Variants in PRKCA observed in about 807,000 individuals in gnomAD.
PRKCA encodes protein kinase C alpha type.
PRKCA carries 27 observed loss-of-function variants against 87.0 expected under a neutral mutation model. That is an observed-to-expected ratio of 0.31 (90% CI 0.23 to 0.43). The LOEUF (loss-of-function observed/expected upper bound fraction) is 0.43, where lower values mean the gene tolerates loss of function less well. Ranked by LOEUF, PRKCA falls within the 20% of genes least tolerant of loss-of-function variation. PRKCA has a pLI of 1.00. For synonymous variants in PRKCA, 329 were observed against 311.1 expected (o/e 1.06, Z -0.61); for missense variants, 518 against 852.3 (o/e 0.61, Z 4.88).
chr17:66,675,732 A>G (rs998478613), intron 5 of PRKCA, among the ~76,000 whole-genome samples: 2 of 152,072 alleles, frequency 1.3e-5, no homozygotes, highest in Non-Finnish European at 2.9e-5. Context: ...CTTGGGAGCT[A>G]CACTTCCCAA....
intron 2 of PRKCA, among the ~76,000 whole-genome samples, chr17:66,389,513 C>T (rs149014284): frequency 9.7e-4 from 147 of 152,250 alleles, no homozygotes; most frequent in African/African-American, 3.1e-3. Context: ...AAAAATATGC[C>T]GGAAGTATCT....
At position 66,420,239 on chromosome 17, in the gene PRKCA, G is replaced by A. The variant is rs1218792448; in HGVS notation, c.206-75962G>A. ...TTGGCCAGGATGGTCTTGATCTCCT[G>A]ACCTGGTGATCCACCTGCCTTGGCC... On this transcript the variant is annotated intron_variant, in intron 2 of 16. Coordinates refer to ENST00000413366, the MANE Select transcript of PRKCA (RefSeq NM_002737.3). Among the ~76,000 whole-genome samples the A allele has an allele frequency of 3.9e-5, 6 of 152,122 alleles. No homozygotes were observed. The East Asian group carries it at 7.8e-4, about 20-fold the overall frequency.
chr17:66,662,717 G>C (rs950108518), intron 5 of PRKCA, among the ~76,000 whole-genome samples: 2 of 151,082 alleles, frequency 1.3e-5, no homozygotes, highest in Non-Finnish European at 2.9e-5. Context: ...AAATCTCGTA[G>C]GCCTGGCATC....
At chr17:66,374,273 C>T (rs886938463) in intron 2 of PRKCA, among the ~76,000 whole-genome samples, 3 of 152,166 alleles carry the variant, frequency 2.0e-5, no homozygotes, top group Admixed American at 1.3e-4. Context: ...CATGTGTCCC[C>T]GCTTTGCCAG....
chr17:66,657,076 A>C (rs963218022), intron 5 of PRKCA, among the ~76,000 whole-genome samples: 2 of 152,218 alleles, frequency 1.3e-5, no homozygotes, highest in Admixed American at 6.5e-5. Context: ...GGAAAGATTC[A>C]GATTTCCTGA....
intron 2 of PRKCA, among the ~76,000 whole-genome samples, chr17:66,372,064 T>G (rs1472122513): frequency 1.3e-5 from 2 of 152,200 alleles, no homozygotes; most frequent in Admixed American, 1.3e-4. Flanking sequence ...TAATTACTTA[T>G]GGATGATATG....
chr17:66,486,764 A>T (rs1293731591), intron 2 of PRKCA, among the ~76,000 whole-genome samples: 1 of 152,090 alleles, frequency 6.6e-6, no homozygotes, highest in Non-Finnish European at 1.5e-5. Context: ...CTAACAGTAT[A>T]TTATACTTTT....
At chr17:66,768,150 G>A (rs1284438426) in intron 13 of PRKCA, among the ~76,000 whole-genome samples, 1 of 151,856 alleles carries the variant, frequency 6.6e-6, no homozygotes, top group Non-Finnish European at 1.5e-5. Context: ...CACCATGTTG[G>A]CCACTCCGGT....
At chr17:66,660,748 C>T (rs1971872701) in intron 5 of PRKCA, among the ~76,000 whole-genome samples, 1 of 151,586 alleles carries the variant, frequency 6.6e-6, no homozygotes, top group Non-Finnish European at 1.5e-5. Flanking sequence ...TATATAATAA[C>T]AATACAAAAA....
intron 2 of PRKCA, among the ~76,000 whole-genome samples, chr17:66,390,920 A>ACT (rs10637744): frequency 1.3e-5 from 2 of 150,664 alleles, no homozygotes; most frequent in African/African-American, 2.5e-5. Flanking sequence ...AAAGGAACCA[A>ACT]GTAGCAGAGG....
At chr17:66,790,201 T>G (rs981545297) in intron 16 of PRKCA, among the ~76,000 whole-genome samples, 1 of 152,360 alleles carries the variant, frequency 6.6e-6, no homozygotes, top group East Asian at 1.9e-4. Context: ...TTCCTCACCA[T>G]GTGTGCCTCT....
chr17:66,446,381 CCTT>C (rs555929807), intron 2 of PRKCA, among the ~76,000 whole-genome samples: 38 of 152,166 alleles, frequency 2.5e-4, no homozygotes, highest in Non-Finnish European at 4.9e-4. Context: ...CCCCCATTCA[CCTT>C]CTCCAGGATG....
chr17:66,621,191 T>C (rs8070042), intron 3 of PRKCA, among the ~76,000 whole-genome samples: 4,295 of 152,282 alleles, frequency 0.028, 212 homozygotes, highest in African/African-American at 0.098. Context: ...CAATGAAAAC[T>C]TGGGGCTTCA....
rs1975972510 is a variant in PRKCA, at chr17:66,804,211, A to G, written c.*174A>G. 2.5e-6 allele frequency: 2 copies of G among 800,770 alleles called. No individual in the cohort carries two copies. The highest frequency in any genetic ancestry group is 3.5e-5 in the African/African-American group (2 of 57,748). The allele number at this position is 800,770 out of a possible 1,614,324, so 49.6% of individuals were successfully genotyped here. On this transcript the variant is annotated 3_prime_UTR_variant, in exon 17 of 17. Transcript: ENST00000413366. ...ATCAACTGTTCAGGGTCTCTCTCTT[A>G]CAACCAAGAACATTATCTTAGTGGA...
At chr17:66,384,274 T>C (rs1317112243) in intron 2 of PRKCA, among the ~76,000 whole-genome samples, 1 of 152,322 alleles carries the variant, frequency 6.6e-6, no homozygotes, top group East Asian at 1.9e-4. Flanking sequence ...TATAGTTTAC[T>C]TGACTTTGAA....
intron 3 of PRKCA, among the ~76,000 whole-genome samples, chr17:66,539,178 CTT>C (rs1349526897): frequency 1.3e-5 from 2 of 152,162 alleles, no homozygotes; most frequent in Non-Finnish European, 2.9e-5. Context: ...GATTTTCACT[CTT>C]GTTTTTTCCC....
Position 66,306,105 on chromosome 17 carries a change from G to C in PRKCA, c.183G>C (p.Gly61=), listed in dbSNP as rs773777054. 2.5e-5 allele frequency: 41 copies of C among 1,611,832 alleles called. No individual in the cohort carries two copies. The highest frequency in any genetic ancestry group is 3.4e-5 in the Non-Finnish European group (40 of 1,179,244). The stretch of plus-strand genomic sequence containing the variant: ...TGTTTTTGTTTTTCAGGGGGTTTGG[G>C]AAACAAGGCTTCCAGTGCCAAGGTA... ...SHCTDFIWGF[G]KQGFQCQVCC... Residue 61 remains glycine, a synonymous_variant, in exon 2 of 17, where the codon GGG becomes GGC. Coordinates refer to ENST00000413366, the MANE Select transcript of PRKCA (RefSeq NM_002737.3).
chr17:66,466,815 G>T (rs759127334), intron 2 of PRKCA, among the ~76,000 whole-genome samples: 1 of 151,884 alleles, frequency 6.6e-6, no homozygotes, highest in Non-Finnish European at 1.5e-5. Context: ...ATTCCTTCAC[G>T]CTGGGGTCAA....
At chr17:66,481,632 C>T (rs1014170775) in intron 2 of PRKCA, among the ~76,000 whole-genome samples, 4 of 152,180 alleles carry the variant, frequency 2.6e-5, no homozygotes, top group African/African-American at 9.6e-5. Flanking sequence ...GTTCTCCCCA[C>T]ACCATCTTTT....
Sources: gnomAD v4.1 joint callset for allele counts (sites outside exome capture counted in the v4.1 genomes callset) on GRCh38, gnomAD v4.1.1 for gene constraint, MANE v1.5 for transcripts, NCBI Gene and HGNC (gene_info 2026-07-23, HGNC 2026-07-21) for gene names.